The following THNSL2 variants were observed in gnomAD, a reference collection of about 807,000 sequenced individuals.
THNSL2 encodes threonine synthase-like 2.
In THNSL2, 34 loss-of-function variants were observed where a neutral mutation model predicts 40.0. That is an observed-to-expected ratio of 0.85 (90% CI 0.65 to 1.13). THNSL2 has a LOEUF of 1.13. Among genes scored for constraint, THNSL2 ranks in the 50% most tolerant of loss-of-function variants. The probability of loss-of-function intolerance (pLI) is 0.00; values close to 1 mark genes in which losing one functional copy is unlikely to be tolerated. For synonymous variants in THNSL2, 241 were observed against 247.5 expected, an observed-to-expected ratio of 0.97 and a Z score of 0.25; for missense variants, 537 against 608.8, an observed-to-expected ratio of 0.88 and a Z score of 1.24.
At chr2:88,177,010 T>A (rs1449758825) in intron 4 of THNSL2, 1 of 152,222 alleles carries the variant, frequency 6.6e-6, no homozygotes, top group African/African-American at 2.4e-5. Flanking sequence ...TCCCTTGTCT[T>A]TTTTGTACAC....
In THNSL2 at chr2:88,186,164, A is replaced by C; in HGVS notation, c.*41A>C. The C allele has an allele frequency of 2.0e-6, 3 of 1,536,924 alleles. No homozygotes were observed. The highest frequency in any genetic ancestry group is 2.6e-6 in the Non-Finnish European group (3 of 1,133,804). On this transcript the variant is annotated 3_prime_UTR_variant, in exon 9 of 9. Coordinates refer to ENST00000674334, the MANE Select transcript of THNSL2 (RefSeq NM_018271.5). ...CTTTCTTTAGGCTTCAGATCCCAGG[A>C]AGATGCACCTTCTGAGCTGCCTTGT... is the stretch of plus-strand genomic sequence containing the variant.
Position 88,170,410 on chromosome 2 carries a change from G to GGCCCCGCGCCCCGCGCCCCGCGCCCCGC in THNSL2, c.-56_-55insCCGCGCCCCGCGCCCCGCGCCCCGCGCC, listed in dbSNP as rs1553460733. The GGCCCCGCGCCCCGCGCCCCGCGCCCCGC allele has an allele frequency of 1.6e-5, 2 of 122,806 alleles. No individual in the cohort carries two copies. Among genetic ancestry groups the GGCCCCGCGCCCCGCGCCCCGCGCCCCGC allele is most frequent in the African/African-American group, 6.8e-5 (2 of 29,456 alleles). 7.6% of individuals were successfully genotyped at this position (122,806 alleles called of 1,614,324 possible). A position where few individuals can be genotyped will look rare whatever the true frequency, so the allele number is the denominator to read the frequency against. On this transcript the variant is annotated 5_prime_UTR_variant, in exon 1 of 9. Coordinates refer to ENST00000674334, the MANE Select transcript of THNSL2 (RefSeq NM_018271.5). ...GCCCGGGCAGCCCTGCTGCGCACCG[G>GGCCCCGCGCCCCGCGCCCCGCGCCCCGC]GCCTCGCGCCCCGCGCCCCGCGCCC... is the stretch of plus-strand genomic sequence containing the variant.
At chr2:88,179,035 A>G in intron 5 of THNSL2, 22 bp downstream of exon 5, 1 of 1,612,522 alleles carries the variant, frequency 6.2e-7, no homozygotes, top group South Asian at 1.1e-5. Context: ...CCGGGGCACA[A>G]ATGGGCTTTC....
chr2:88,185,339 A>G lies in THNSL2; in HGVS notation c.1089A>G (p.Ala363=). The change falls in exon 8 of 9, where the codon GCA becomes GCG. Residue 363 remains alanine (A), a synonymous_variant. Coordinates refer to ENST00000674334, the MANE Select transcript of THNSL2 (RefSeq NM_018271.5). ...CTGGGACCCTTCAGCTTTCAGAGGC[A>G]GTGACATCCGTGTCAGTGTCGGATG... The part of the protein sequence containing the change: ...PKELHSKLSE[A]VTSVSVSDEA... The G allele has an allele frequency of 6.2e-7, 1 of 1,613,260 alleles. No individual in the cohort carries two copies. Among genetic ancestry groups the G allele is most frequent in the Non-Finnish European group, 8.5e-7 (1 of 1,179,732 alleles).
chr2:88,175,450 TG>T lies in THNSL2; in HGVS notation c.571+52del, dbSNP rs775960381. On this transcript the variant is annotated intron_variant, in intron 4 of 8. Transcript: ENST00000674334. ...AGGGACAGTGCAGCCCTGCCTTAAT[TG>T]GGTTTGCTTTGGGAGATGGACTGGA... 4.8e-4 allele frequency: 769 copies of T among 1,596,366 alleles called. 1 individual carries two copies. Among genetic ancestry groups the T allele is most frequent in the Non-Finnish European group, 6.3e-4 (734 of 1,169,692 alleles).
chr2:88,186,078 C>T lies in THNSL2; in HGVS notation c.1410C>T (p.Asp470=). The stretch of plus-strand genomic sequence containing the variant: ...TGATGCTTCGGGACACCATTGAGGA[C>T]CTTAGCCGACAGTGGAGGAGTCATG... ...WMLMLRDTIE[D]LSRQWRSHAL... is the part of the protein sequence containing the mutation. Residue 470 remains aspartate, a synonymous_variant, in exon 9 of 9, where the codon GAC becomes GAT. Transcript: ENST00000674334. 1.3e-6 allele frequency: 2 copies of T among 1,570,576 alleles called. No homozygotes were observed. Among genetic ancestry groups the T allele is most frequent in the Non-Finnish European group, 8.6e-7 (1 of 1,157,552 alleles).
chr2:88,185,821 T>TCCTCCTCCACCTTCTCCTTTC (rs1461895447), intron 8 of THNSL2, 77 bp from the exon 9 acceptor site: 30 of 1,540,786 alleles, frequency 1.9e-5, no homozygotes, highest in Non-Finnish European at 2.5e-5. Context: ...TGTTTCTTAT[T>TCCTCCTCCACCTTCTCCTTTC]CCTCCTCCAC....
chr2:88,185,572 A>C, intron 8 of THNSL2, 93 bp downstream of exon 8: 8 of 1,551,924 alleles, frequency 5.2e-6, no homozygotes, highest in Non-Finnish European at 6.1e-6. Flanking sequence ...GGACTACGAA[A>C]AAATGGCTGT....
At chr2:88,174,521 G>C (rs1415640348) in intron 2 of THNSL2, 118 bp from the exon 3 acceptor site, 3 of 1,016,114 alleles carry the variant, frequency 3.0e-6, no homozygotes, top group African/African-American at 3.2e-5. Flanking sequence ...TATCATTTAA[G>C]ATGAAGATTT....
chr2:88,176,225 T>C (rs2104170146), intron 4 of THNSL2: 1 of 152,364 alleles, frequency 6.6e-6, no homozygotes. Context: ...GTACCCACCA[T>C]TGGTTATACT....
At chr2:88,185,264 G>A (rs1464052058) in intron 7 of THNSL2, 64 bp from the exon 8 acceptor site, 12 of 1,504,646 alleles carry the variant, frequency 8.0e-6, no homozygotes, top group Non-Finnish European at 1.1e-5. Context: ...TGGAGAGTGG[G>A]GTTTTGTCAT....
chr2:88,179,145 C>T (rs3791357), intron 5 of THNSL2, 132 bp downstream of exon 5: 107,272 of 909,196 alleles, frequency 0.12, 7,663 homozygotes, highest in Admixed American at 0.26. Context: ...ATGGGAAACC[C>T]CACAGAAGTT....
chr2:88,171,134 C>A, intron 1 of THNSL2: 1 of 386,126 alleles, frequency 2.6e-6, no homozygotes, highest in Non-Finnish European at 5.3e-6. Flanking sequence ...CCAACAACAG[C>A]ACTTGATTTT....
At chr2:88,176,001 G>A (rs1676895159) in intron 4 of THNSL2, 1 of 152,512 alleles carries the variant, frequency 6.6e-6, no homozygotes, top group Non-Finnish European at 1.5e-5. Flanking sequence ...CAAAGGCTGA[G>A]ATGGGAGGAT....
intron 1 of THNSL2, chr2:88,172,899 C>T (rs192760805): frequency 8.7e-6 from 3 of 344,806 alleles, no homozygotes; most frequent in African/African-American, 4.2e-5. Flanking sequence ...CCGATACCCT[C>T]TCCCTGAAGA....
Position 88,186,283 on chromosome 2 carries a change from C to T in THNSL2, c.*160C>T. 1.4e-6 allele frequency: 1 copy of T among 713,970 alleles called. No homozygotes were observed. The highest frequency in any genetic ancestry group is 2.3e-6 in the Non-Finnish European group (1 of 426,808). 44.2% of individuals were successfully genotyped at this position (713,970 alleles called of 1,614,324 possible). A position where few individuals can be genotyped will look rare whatever the true frequency, so the allele number is the denominator to read the frequency against. ...GGCTTTGCTCCGTTCCCTGGCTAGT[C>T]TGTGCCTGGTCACCAGGGAGGCTGA... On this transcript the variant is annotated 3_prime_UTR_variant, in exon 9 of 9. Coordinates refer to ENST00000674334, the MANE Select transcript of THNSL2 (RefSeq NM_018271.5).
intron 1 of THNSL2, chr2:88,171,589 G>GC: frequency 4.2e-6 from 1 of 236,990 alleles, no homozygotes; most frequent in South Asian, 4.2e-5. Context: ...ACGGTCTTGG[G>GC]CAGTTTGCGT....
At chr2:88,171,678 G>A in intron 1 of THNSL2, 1 of 180,726 alleles carries the variant, frequency 5.5e-6, no homozygotes, top group South Asian at 1.0e-4. Context: ...CCCCGACCCT[G>A]GTTCTGTTTT....
chr2:88,181,133 T>C (rs1421026431), intron 5 of THNSL2, among the ~76,000 whole-genome samples: 17 of 450 alleles, frequency 0.038, no homozygotes, highest in East Asian at 0.12. Context: ...CTCTCTCTCC[T>C]CTCTCTCTCC....
Sources: gnomAD v4.1 joint callset for allele counts (sites outside exome capture counted in the v4.1 genomes callset) on GRCh38, gnomAD v4.1.1 for gene constraint, MANE v1.5 for transcripts, NCBI Gene and HGNC (gene_info 2026-07-23, HGNC 2026-07-21) for gene names.